Variants in FSTL5 observed in about 807,000 individuals in gnomAD.
FSTL5 encodes follistatin-related protein 5.
FSTL5 carries 62 observed loss-of-function variants against 89.1 expected under a neutral mutation model. The observed-to-expected ratio is 0.70, with a 90% CI of 0.57 to 0.86. The LOEUF (loss-of-function observed/expected upper bound fraction) is 0.86. FSTL5 is among the 40% of genes least tolerant of loss of function. The pLI is 0.00. For missense variants in FSTL5, 1,057 were observed against 1,001.6 expected (o/e 1.06, Z -0.75); for synonymous variants, 383 against 346.2 (o/e 1.11, Z -1.18).
At chr4:161,777,185 ATGT>A (rs1741439244) in intron 4 of FSTL5, among the ~76,000 whole-genome samples, 1 of 151,274 alleles carries the variant, frequency 6.6e-6, no homozygotes, top group Non-Finnish European at 1.5e-5. Flanking sequence ...CAGTTCCAGC[ATGT>A]TGTTGAAAAT....
chr4:161,982,830 T>A (rs566239050), intron 3 of FSTL5, among the ~76,000 whole-genome samples: 44 of 152,292 alleles, frequency 2.9e-4, no homozygotes, highest in Admixed American at 1.0e-3. Context: ...GTCTATGTAT[T>A]ATTCTTTCGA....
chr4:161,510,192 G>A (rs1730606626), intron 11 of FSTL5, among the ~76,000 whole-genome samples: 1 of 151,914 alleles, frequency 6.6e-6, no homozygotes, highest in South Asian at 2.1e-4. Context: ...GACACTTTCT[G>A]GCTATGTATC....
chr4:161,601,062 A>T (rs1211970486), intron 7 of FSTL5, among the ~76,000 whole-genome samples: 2 of 152,172 alleles, frequency 1.3e-5, no homozygotes, highest in Non-Finnish European at 2.9e-5. Context: ...TTTTTAAAAA[A>T]TAGCTTAAAA....
intron 4 of FSTL5, among the ~76,000 whole-genome samples, chr4:161,854,780 C>T (rs902129614): frequency 6.6e-6 from 1 of 151,720 alleles, no homozygotes; most frequent in Admixed American, 6.6e-5. Context: ...TCAGTATGTG[C>T]CATATTTTAT....
intron 4 of FSTL5, among the ~76,000 whole-genome samples, chr4:161,896,746 G>C (rs1277179313): frequency 1.3e-5 from 2 of 152,056 alleles, no homozygotes; most frequent in Non-Finnish European, 1.5e-5. Flanking sequence ...AAATTCAAAA[G>C]ATGGTGTTTC....
chr4:162,029,996 C>G (rs922160331), intron 3 of FSTL5, among the ~76,000 whole-genome samples: 10 of 151,582 alleles, frequency 6.6e-5, no homozygotes, highest in African/African-American at 2.2e-4. Flanking sequence ...ATTGCAAACT[C>G]CTTCTGGCTT....
At chr4:161,890,549 G>A (rs1271509473) in intron 4 of FSTL5, among the ~76,000 whole-genome samples, 2 of 151,748 alleles carry the variant, frequency 1.3e-5, no homozygotes, top group South Asian at 2.1e-4. Context: ...TTAGCCAGTC[G>A]TGGTGGTGTG....
chr4:162,022,184 A>G (rs770171170), intron 3 of FSTL5, among the ~76,000 whole-genome samples: 13 of 152,244 alleles, frequency 8.5e-5, no homozygotes, highest in South Asian at 4.1e-4. Flanking sequence ...AGATTTCACC[A>G]CTATGCAATA....
chr4:161,950,834 C>T (rs189286890), intron 3 of FSTL5, among the ~76,000 whole-genome samples: 14 of 152,082 alleles, frequency 9.2e-5, no homozygotes, highest in Non-Finnish European at 2.9e-5. Context: ...AGATACACAT[C>T]TGCTTGGAGA....
chr4:161,763,162 T>A (rs1463057131), intron 5 of FSTL5, among the ~76,000 whole-genome samples: 2 of 152,160 alleles, frequency 1.3e-5, no homozygotes, highest in Non-Finnish European at 2.9e-5. Context: ...CCTTTTAGAC[T>A]GCCTACTATG....
intron 3 of FSTL5, among the ~76,000 whole-genome samples, chr4:161,962,272 C>T (rs1012520275): frequency 2.0e-5 from 3 of 151,974 alleles, no homozygotes; most frequent in Non-Finnish European, 4.4e-5. Context: ...ATTGTCAGTG[C>T]TATAAGAGTA....
chr4:161,764,403 C>T (rs1375200986), intron 5 of FSTL5, among the ~76,000 whole-genome samples: 1 of 151,914 alleles, frequency 6.6e-6, no homozygotes, highest in Non-Finnish European at 1.5e-5. Context: ...GGACTACAGG[C>T]TCCCACCACC....
intron 10 of FSTL5, among the ~76,000 whole-genome samples, chr4:161,536,967 G>C (rs999326872): frequency 6.6e-6 from 1 of 152,024 alleles, no homozygotes; most frequent in South Asian, 2.1e-4. Flanking sequence ...TAGAGCAAAG[G>C]AATTATGGTG....
At chr4:162,002,007 T>C (rs1421673922) in intron 3 of FSTL5, among the ~76,000 whole-genome samples, 2 of 152,116 alleles carry the variant, frequency 1.3e-5, no homozygotes, top group African/African-American at 2.4e-5. Context: ...TTTTTAAGTA[T>C]CATTATTTTG....
rs1014884112 is a variant in FSTL5, at chr4:161,527,966, T to C, written c.1312+10200A>G. On this transcript the variant is annotated intron_variant, in intron 10 of 15. Transcript: ENST00000306100. ...TACACCATGGAATACTATGCAGCCA[T>C]AAAAAATGATGAGTTCATGTCCTTT... Among the ~76,000 whole-genome samples, 6 of 150,186 alleles carry C rather than the reference T, an allele frequency of 4.0e-5. No individual in the cohort carries two copies. The East Asian group carries it at 1.2e-3, about 30-fold the overall frequency.
chr4:161,480,908 C>A (rs1360664895), intron 13 of FSTL5, 112 bp downstream of exon 13: 1 of 685,048 alleles, frequency 1.5e-6, no homozygotes, highest in Non-Finnish European at 2.4e-6. Context: ...TTCTAGTTAT[C>A]CAAGTAAGGA....
At chr4:162,055,946 A>G (rs1738528916) in intron 2 of FSTL5, among the ~76,000 whole-genome samples, 1 of 151,912 alleles carries the variant, frequency 6.6e-6, no homozygotes, top group African/African-American at 2.4e-5. Flanking sequence ...GAATAATAAT[A>G]TTTAGTTCAA....
chr4:161,709,454 A>G (rs983319250), intron 6 of FSTL5, among the ~76,000 whole-genome samples: 1 of 152,196 alleles, frequency 6.6e-6, no homozygotes, highest in Non-Finnish European at 1.5e-5. Context: ...CAACTGAGAG[A>G]TACAATAAAT....
At chr4:161,975,779 TAAAATA>T (rs1327747671) in intron 3 of FSTL5, among the ~76,000 whole-genome samples, 88 of 146,624 alleles carry the variant, frequency 6.0e-4, no homozygotes, top group Non-Finnish European at 1.0e-3. Context: ...TAAAATAAAA[TAAAATA>T]AAATAAAATA....
Sources: gnomAD v4.1 joint callset for allele counts (sites outside exome capture counted in the v4.1 genomes callset) on GRCh38, gnomAD v4.1.1 for gene constraint, MANE v1.5 for transcripts, NCBI Gene and HGNC (gene_info 2026-07-23, HGNC 2026-07-21) for gene names.